GRIK2: variants seen among roughly 807,000 people sequenced by gnomAD.
GRIK2 encodes the protein glutamate ionotropic receptor kainate type subunit 2, also known as glutamate receptor ionotropic, kainate 2.
A neutral mutation model predicts 100.3 loss-of-function variants in GRIK2; 32 were observed. That is an observed-to-expected ratio of 0.32 (90% confidence interval 0.24 to 0.43). The LOEUF (loss-of-function observed/expected upper bound fraction) is 0.43. GRIK2 is among the 20% of genes least tolerant of loss of function. The pLI, the probability that GRIK2 is intolerant of heterozygous loss-of-function variation, is 1.00. For missense variants in GRIK2, 843 were observed against 1,114.9 expected (o/e 0.76, Z 3.47); for synonymous variants, 417 against 389.4 (o/e 1.07, Z -0.83).
chr6:101,931,885 CA>C (rs1189464533), intron 14 of GRIK2, among the ~76,000 whole-genome samples: 12 of 151,998 alleles, frequency 7.9e-5, no homozygotes, highest in Non-Finnish European at 1.6e-4. Flanking sequence ...AAGGAGGAGT[CA>C]AAACCTACTT....
At chr6:101,919,463 CAG>C (rs1397732746) in intron 12 of GRIK2, among the ~76,000 whole-genome samples, 5 of 151,784 alleles carry the variant, frequency 3.3e-5, no homozygotes, top group Middle Eastern at 6.8e-3. Flanking sequence ...AATTGGGAAA[CAG>C]AGATAATATG....
At position 101,399,239 on chromosome 6, in the gene GRIK2, C is replaced by A; in HGVS notation, c.-39C>A. 1.0e-6 allele frequency: 1 copy of A among 970,826 alleles called. No individual in the cohort carries two copies. The highest frequency in any genetic ancestry group is 1.7e-6 in the Non-Finnish European group (1 of 592,396). 60.1% of individuals were successfully genotyped at this position (970,826 alleles called of 1,614,324 possible). A position where few individuals can be genotyped will look rare whatever the true frequency, so the allele number is the denominator to read the frequency against. On this transcript the variant is annotated 5_prime_UTR_variant, in exon 2 of 17. Transcript: ENST00000369134. The stretch of plus-strand genomic sequence containing the variant: ...CGAACCCAGGAGCCGAACGCTAGAT[C>A]GGGGAAGTGGGTGCCGTGCGTGTGG...
chr6:101,515,908 C>T lies in GRIK2; in HGVS notation c.116-106041C>T, dbSNP rs7769880. Among the ~76,000 whole-genome samples, 828 of 152,268 alleles carry T rather than the reference C, an allele frequency of 5.4e-3. 7 individuals carry two copies. Among genetic ancestry groups the T allele is most frequent in the African/African-American group, 0.019 (788 of 41,560 alleles). On this transcript the variant is annotated intron_variant, in intron 2 of 16. Transcript: ENST00000369134. Reference sequence around the variant, plus strand: ...GACTGTTCCTTTTGCCATGCAAAAGCTCTTTAGTTTAATTAGGTCCCAGCT... The same window carrying T: ...GACTGTTCCTTTTGCCATGCAAAAGTTCTTTAGTTTAATTAGGTCCCAGCT...
intron 14 of GRIK2, among the ~76,000 whole-genome samples, chr6:101,943,080 C>T (rs1791057506): frequency 1.3e-5 from 2 of 152,202 alleles, no homozygotes; most frequent in Admixed American, 1.3e-4. Context: ...AGCCTCAGGA[C>T]ATGGCACCCT....
chr6:101,751,600 A>AT (rs546826430), intron 7 of GRIK2, among the ~76,000 whole-genome samples: 1 of 151,626 alleles, frequency 6.6e-6, no homozygotes, highest in Non-Finnish European at 1.5e-5. Flanking sequence ...TACAAACTTC[A>AT]TTTTTTCCCC....
At chr6:101,593,608 A>G (rs978961203) in intron 2 of GRIK2, among the ~76,000 whole-genome samples, 3 of 151,926 alleles carry the variant, frequency 2.0e-5, no homozygotes, top group Non-Finnish European at 2.9e-5. Flanking sequence ...AGAGCCTAAA[A>G]TAGAAAGGCA....
At chr6:101,461,313 A>G (rs970334937) in intron 2 of GRIK2, among the ~76,000 whole-genome samples, 6 of 152,184 alleles carry the variant, frequency 3.9e-5, no homozygotes, top group Non-Finnish European at 8.8e-5. Context: ...CATTCCTTTG[A>G]GAGACTCTTG....
At chr6:101,783,107 C>A (rs1179462956) in intron 7 of GRIK2, among the ~76,000 whole-genome samples, 1 of 151,980 alleles carries the variant, frequency 6.6e-6, no homozygotes, top group Admixed American at 6.6e-5. Context: ...ATCCACCCGC[C>A]TCGGCCTCTC....
At chr6:101,402,525 C>T (rs1024764954) in intron 2 of GRIK2, among the ~76,000 whole-genome samples, 1 of 151,936 alleles carries the variant, frequency 6.6e-6, no homozygotes, top group African/African-American at 2.4e-5. Flanking sequence ...GGTGCTGCCC[C>T]GAGGCTCTAT....
chr6:102,032,142 A>T (rs763705716), intron 14 of GRIK2, among the ~76,000 whole-genome samples: 2 of 151,280 alleles, frequency 1.3e-5, no homozygotes, highest in East Asian at 3.9e-4. Flanking sequence ...TAGTTTTACA[A>T]CTTGGAAGAA....
intron 14 of GRIK2, among the ~76,000 whole-genome samples, chr6:102,017,917 CT>C (rs1769206330): frequency 6.6e-6 from 1 of 152,108 alleles, no homozygotes; most frequent in Non-Finnish European, 1.5e-5. Flanking sequence ...TTGTCAATCT[CT>C]TTTTGCTTGT....
chr6:101,676,750 G>A lies in GRIK2; in HGVS notation c.669G>A (p.Glu223=). ...TAAAAGAAATGAAAAGAGGCAAGGAGTTTCATGTAATCTTTGATTGTAGCC... is the reference window on the plus strand; with the variant it reads ...TAAAAGAAATGAAAAGAGGCAAGGAATTTCATGTAATCTTTGATTGTAGCC... ...PLLKEMKRGK[E]FHVIFDCSHE... Residue 223 remains glutamate, a synonymous_variant, in exon 5 of 17, where the codon GAG becomes GAA. Coordinates refer to ENST00000369134, the MANE Select transcript of GRIK2 (RefSeq NM_021956.5). The A allele has an allele frequency of 6.2e-7, 1 of 1,608,848 alleles. No individual in the cohort carries two copies. Among genetic ancestry groups the A allele is most frequent in the Non-Finnish European group, 8.5e-7 (1 of 1,177,012 alleles).
At chr6:101,982,842 G>C in intron 14 of GRIK2, among the ~76,000 whole-genome samples, 1 of 151,676 alleles carries the variant, frequency 6.6e-6, no homozygotes. Context: ...ATTGCAGCAT[G>C]TAAGAACTTA....
chr6:102,054,646 A>C (rs1406680157), intron 15 of GRIK2, among the ~76,000 whole-genome samples: 2 of 152,144 alleles, frequency 1.3e-5, no homozygotes, highest in Non-Finnish European at 2.9e-5. Context: ...CTGGAAAAAA[A>C]CAAAATAAAA....
At chr6:101,708,547 T>G (rs2128357530) in intron 7 of GRIK2, among the ~76,000 whole-genome samples, 1 of 151,846 alleles carries the variant, frequency 6.6e-6, no homozygotes, top group Non-Finnish European at 1.5e-5. Flanking sequence ...CTTTAAAATT[T>G]ACCTTCTTTT....
chr6:101,896,783 C>A (rs1024321590), intron 12 of GRIK2, among the ~76,000 whole-genome samples: 4 of 151,628 alleles, frequency 2.6e-5, no homozygotes, highest in African/African-American at 9.7e-5. Context: ...GAACTATGGT[C>A]ATCTGTGATG....
intron 2 of GRIK2, among the ~76,000 whole-genome samples, chr6:101,600,169 T>C (rs577396884): frequency 2.0e-5 from 3 of 151,996 alleles, no homozygotes; most frequent in African/African-American, 7.2e-5. Flanking sequence ...CTTTTTATCA[T>C]TGCTTATTTT....
intron 14 of GRIK2, among the ~76,000 whole-genome samples, chr6:102,023,650 A>C (rs1023757916): frequency 6.6e-6 from 1 of 151,544 alleles, no homozygotes; most frequent in Non-Finnish European, 1.5e-5. Flanking sequence ...GTAGAGAATA[A>C]GTTGAAAGAG....
chr6:101,958,519 C>A (rs1057297372), intron 14 of GRIK2, among the ~76,000 whole-genome samples: 7 of 151,920 alleles, frequency 4.6e-5, no homozygotes, highest in African/African-American at 1.7e-4. Context: ...CCTTTTATTT[C>A]TTCCTCTTGC....
Sources: allele counts gnomAD v4.1 joint callset (sites outside exome capture counted in the v4.1 genomes callset), GRCh38; gene constraint gnomAD v4.1.1; transcripts MANE v1.5; gene names NCBI Gene and HGNC (gene_info 2026-07-23, HGNC 2026-07-21).